The following COL4A2 variants were observed in gnomAD, a reference collection of about 807,000 sequenced individuals.
COL4A2 encodes the protein collagen type IV alpha 2 chain.
A neutral mutation model predicts 200.2 loss-of-function variants in COL4A2; 99 were observed. The observed-to-expected ratio is 0.49, with a 90% CI of 0.42 to 0.58. The LOEUF (loss-of-function observed/expected upper bound fraction) is 0.58. Ranked by LOEUF, COL4A2 falls within the 20% of genes least tolerant of loss-of-function variation. The probability of loss-of-function intolerance (pLI) is 0.00; values close to 1 mark genes in which losing one functional copy is unlikely to be tolerated. For synonymous variants in COL4A2, 897 were observed against 900.6 expected (o/e 1.00, Z 0.07); for missense variants, 1,950 against 2,314.1 (o/e 0.84, Z 3.23).
chr13:110,417,137 C>T (rs532185501), intron 4 of COL4A2, among the ~76,000 whole-genome samples: 22 of 152,312 alleles, frequency 1.4e-4, no homozygotes, highest in African/African-American at 4.6e-4. Context: ...CCCACCACCA[C>T]GCCTGGCTCA....
At chr13:110,314,620 G>A (rs1401414370) in intron 3 of COL4A2, among the ~76,000 whole-genome samples, 1 of 152,202 alleles carries the variant, frequency 6.6e-6, no homozygotes, top group Non-Finnish European at 1.5e-5. Context: ...CTTCGCTGGG[G>A]AGGGAAGTGG....
intron 14 of COL4A2, among the ~76,000 whole-genome samples, chr13:110,438,292 G>A (rs1027596021): frequency 1.1e-4 from 17 of 152,240 alleles, no homozygotes; most frequent in Non-Finnish European, 1.6e-4. Context: ...TGGAGATGGC[G>A]GAGGGGCGTG....
rs556772013 is a variant in COL4A2, at chr13:110,506,382, G to T, written c.4403-33G>T. The T allele has an allele frequency of 4.8e-4, 760 of 1,587,356 alleles. 8 individuals carry two copies. The South Asian group carries it at 5.7e-3, about 12-fold the overall frequency. ...TCTTTCTCGGGCTGCAGGTGCACCA[G>T]GCCGTCCACTCTCTCTCTTTCTCGG... On this transcript the variant is annotated intron_variant, in intron 45 of 47. Transcript: ENST00000360467.
intron 3 of COL4A2, among the ~76,000 whole-genome samples, chr13:110,325,407 T>A (rs1423166241): frequency 5.3e-5 from 8 of 152,250 alleles, no homozygotes; most frequent in South Asian, 2.1e-4. Context: ...CATGCATTGA[T>A]GGGCTCTAGT....
intron 3 of COL4A2, among the ~76,000 whole-genome samples, chr13:110,334,729 A>G (rs1191190082): frequency 6.6e-6 from 1 of 152,262 alleles, no homozygotes; most frequent in Non-Finnish European, 1.5e-5. Flanking sequence ...CAGCCAGTAT[A>G]TAACAATGCT....
At position 110,511,923 on chromosome 13, in the gene COL4A2, T is replaced by C. The variant is rs1884094379; in HGVS notation, c.4882-11T>C. 4 of 1,613,210 alleles carry C rather than the reference T, an allele frequency of 2.5e-6. No homozygotes were observed. The highest frequency in any genetic ancestry group is 2.2e-5 in the South Asian group (2 of 91,076). On this transcript the variant is annotated splice_polypyrimidine_tract_variant and intron_variant, in intron 47 of 47. Transcript: ENST00000360467. ...GATTCCTAACCCTGTCCTGCCCCCCTCTCTGTGCAGCACACGGCGGCGGGA... is the reference window on the plus strand; with the variant it reads ...GATTCCTAACCCTGTCCTGCCCCCCCCTCTGTGCAGCACACGGCGGCGGGA...
intron 3 of COL4A2, among the ~76,000 whole-genome samples, chr13:110,332,098 T>A (rs893846449): frequency 4.6e-5 from 7 of 152,262 alleles, no homozygotes; most frequent in African/African-American, 1.7e-4. Context: ...AATCATGTGA[T>A]CTGCAAATAA....
chr13:110,312,975 G>C (rs1336838063), intron 3 of COL4A2, among the ~76,000 whole-genome samples: 1 of 152,212 alleles, frequency 6.6e-6, no homozygotes, highest in Non-Finnish European at 1.5e-5. Context: ...GGTGTGCTAA[G>C]ACCTGTGAGG....
intron 4 of COL4A2, among the ~76,000 whole-genome samples, chr13:110,381,431 A>G (rs1878488827): frequency 1.3e-5 from 2 of 152,262 alleles, no homozygotes; most frequent in African/African-American, 4.8e-5. Context: ...TTAAAAATCT[A>G]AAATACTGTA....
chr13:110,343,491 C>T (rs571852709), intron 3 of COL4A2, among the ~76,000 whole-genome samples: 1 of 152,314 alleles, frequency 6.6e-6, no homozygotes, highest in South Asian at 2.1e-4. Flanking sequence ...CACTTGGCAG[C>T]GTACCTCCAG....
At position 110,506,623 on chromosome 13, in the gene COL4A2, C is replaced by T. The variant is rs141097444; in HGVS notation, c.4594+17C>T. Reference sequence around the variant, plus strand: ...AGGACCTGGGTAGGTACCTCCCACCCGGCCCCCGTTGCCTGCTCAGGGCTG... The same window carrying T: ...AGGACCTGGGTAGGTACCTCCCACCTGGCCCCCGTTGCCTGCTCAGGGCTG... On this transcript the variant is annotated intron_variant, in intron 46 of 47. Transcript: ENST00000360467. 3.7e-4 allele frequency: 592 copies of T among 1,588,618 alleles called. 6 individuals carry two copies. The East Asian group carries it at 0.012, about 32-fold the overall frequency.
intron 4 of COL4A2, among the ~76,000 whole-genome samples, chr13:110,380,827 G>T (rs139537465): frequency 1.7e-4 from 26 of 150,098 alleles, no homozygotes; most frequent in African/African-American, 6.2e-4. Flanking sequence ...ACACCCACGT[G>T]CTCTATCTCA....
chr13:110,471,102 A>C (rs1250433903), intron 28 of COL4A2, among the ~76,000 whole-genome samples: 2 of 152,214 alleles, frequency 1.3e-5, no homozygotes, highest in African/African-American at 4.8e-5. Context: ...GATTTCATAT[A>C]TACTAAGTTT....
rs116959550 is a variant in COL4A2, at chr13:110,492,222, G to A, written c.3562+45G>A. ...GTGGTCACCCAGACCCAGAGTCGTG[G>A]GCTGTGCAGGAGGCACCGCTGAGCA... is the stretch of plus-strand genomic sequence containing the variant. On this transcript the variant is annotated intron_variant, in intron 38 of 47. Transcript: ENST00000360467. 59,885 of 1,517,118 alleles carry A rather than the reference G, an allele frequency of 0.039. 1,384 individuals are homozygous for A. The highest frequency in any genetic ancestry group is 0.047 in the Non-Finnish European group (52,011 of 1,116,048). 94.0% of individuals were successfully genotyped at this position (1,517,118 alleles called of 1,614,324 possible). A position where few individuals can be genotyped will look rare whatever the true frequency, so the allele number is the denominator to read the frequency against.
intron 3 of COL4A2, among the ~76,000 whole-genome samples, chr13:110,344,137 G>A (rs181032010): frequency 6.6e-6 from 1 of 151,958 alleles, no homozygotes; most frequent in Non-Finnish European, 1.5e-5. Flanking sequence ...ATATGTAAGG[G>A]TATTTATTCT....
chr13:110,445,689 G>T, intron 16 of COL4A2, 140 bp from the exon 17 acceptor site: 1 of 1,143,576 alleles, frequency 8.7e-7, no homozygotes. Context: ...CCCAAGTCAG[G>T]GAAAATTGAG....
intron 4 of COL4A2, among the ~76,000 whole-genome samples, chr13:110,380,886 G>A (rs1241881626): frequency 2.8e-5 from 4 of 144,560 alleles, no homozygotes; most frequent in East Asian, 4.2e-4. Flanking sequence ...TCACACCCAC[G>A]AGCTCTATGT....
At chr13:110,466,302 G>T (rs971677995) in intron 26 of COL4A2, among the ~76,000 whole-genome samples, 4 of 152,160 alleles carry the variant, frequency 2.6e-5, no homozygotes, top group Admixed American at 1.3e-4. Flanking sequence ...TCACTGGAAA[G>T]CACCAGTGCA....
In COL4A2 at chr13:110,316,956, T is replaced by C. The variant is rs187551585; in HGVS notation, c.99+8833T>C. 6.6e-4 allele frequency among the ~76,000 whole-genome samples: 101 copies of C among 152,074 alleles called. 1 individual carries two copies. The highest frequency in any genetic ancestry group is 1.1e-3 in the Non-Finnish European group (74 of 67,978). ...ACATGGAATATACAGACATAGATGA[T>C]AGAGATAAAAGAGAGAGAGAACACA... On this transcript the variant is annotated intron_variant, in intron 3 of 47. Transcript: ENST00000360467.
Sources: allele counts gnomAD v4.1 joint callset (sites outside exome capture counted in the v4.1 genomes callset), GRCh38; gene constraint gnomAD v4.1.1; transcripts MANE v1.5; gene names NCBI Gene and HGNC (gene_info 2026-07-23, HGNC 2026-07-21).